The following BACH2 variants were observed in gnomAD, a reference collection of about 807,000 sequenced individuals.
The protein encoded by BACH2 is transcription regulator protein BACH2.
A neutral mutation model predicts 61.8 loss-of-function variants in BACH2; 5 were observed. The ratio of observed to expected loss-of-function variants is 0.08; its 90% CI spans 0.04 to 0.17. BACH2 has a LOEUF of 0.17. BACH2 is among the 10% of genes least tolerant of loss of function. The pLI is 1.00. For synonymous variants in BACH2, 446 were observed against 440.1 expected (o/e 1.01, Z -0.17); for missense variants, 824 against 1,091.1 (o/e 0.76, Z 3.45).
Position 89,951,570 on chromosome 6 carries a change from G to A in BACH2, c.536C>T (p.Ala179Val). The change falls in exon 7 of 9, where the codon GCT (alanine) becomes GTT (valine). Residue 179 changes from alanine (A) to valine (V), a missense_variant. By Grantham distance (64) the Ala-to-Val change is moderately conservative (BLOSUM62 0). Coordinates refer to ENST00000257749, the MANE Select transcript of BACH2 (RefSeq NM_021813.4). The surrounding 1 kb of genome is among the most constrained non-coding windows in gnomAD (Gnocchi z 6.4). ...ETMDSETAKM[A>V]CPRDQMLPEP... is the part of the protein sequence containing the mutation. ...TGGAAGCATCTGGTCCCTGGGGCAAGCCATCTTGGCCGTCTCTGAATCCAT... is the reference window on the plus strand; with the variant it reads ...TGGAAGCATCTGGTCCCTGGGGCAAACCATCTTGGCCGTCTCTGAATCCAT... The A allele has an allele frequency of 1.9e-6, 3 of 1,614,164 alleles. No individual in the cohort carries two copies. Among genetic ancestry groups the A allele is most frequent in the African/African-American group, 1.3e-5 (1 of 75,070 alleles).
chr6:89,958,755 G>A (rs1227364832), intron 6 of BACH2, among the ~76,000 whole-genome samples: 3 of 152,074 alleles, frequency 2.0e-5, no homozygotes, highest in Non-Finnish European at 1.5e-5. Context: ...CAAGTGTTGA[G>A]GGCTGAGTTG....
chr6:90,261,768 C>T (rs555305135), intron 2 of BACH2, among the ~76,000 whole-genome samples: 14 of 152,242 alleles, frequency 9.2e-5, no homozygotes, highest in Admixed American at 2.6e-4. Flanking sequence ...CTTGATCTCA[C>T]GATCTAATTG....
intron 5 of BACH2, among the ~76,000 whole-genome samples, chr6:90,052,879 A>C (rs1200866207): frequency 6.6e-6 from 1 of 152,236 alleles, no homozygotes; most frequent in Non-Finnish European, 1.5e-5. Context: ...TCTATTTTTT[A>C]GCCAGAAAGT....
intron 4 of BACH2, among the ~76,000 whole-genome samples, chr6:90,185,720 A>T (rs1348041518): frequency 1.3e-5 from 2 of 152,206 alleles, no homozygotes; most frequent in Non-Finnish European, 2.9e-5. Flanking sequence ...ATAAAATAGA[A>T]CCAACCACGT....
intron 5 of BACH2, among the ~76,000 whole-genome samples, chr6:90,057,828 A>G (rs1780452122): frequency 6.6e-6 from 1 of 152,220 alleles, no homozygotes; most frequent in African/African-American, 2.4e-5. Context: ...ACATACACAA[A>G]TCAGTAAACG....
chr6:90,152,619 G>C (rs375431581), intron 4 of BACH2, among the ~76,000 whole-genome samples: 2 of 152,106 alleles, frequency 1.3e-5, no homozygotes, highest in African/African-American at 4.8e-5. Context: ...TGAAAGTCTT[G>C]AATGTAGCAT....
At chr6:90,174,104 A>C (rs1767911531) in intron 4 of BACH2, among the ~76,000 whole-genome samples, 1 of 152,120 alleles carries the variant, frequency 6.6e-6, no homozygotes, top group African/African-American at 2.4e-5. Context: ...ATATAAACCC[A>C]AAAATAAAAG....
intron 4 of BACH2, among the ~76,000 whole-genome samples, chr6:90,112,773 C>A (rs182201603): frequency 6.6e-6 from 1 of 152,126 alleles, no homozygotes; most frequent in Non-Finnish European, 1.5e-5. Flanking sequence ...TGAATGTAAA[C>A]GAGCTAAATG....
At chr6:90,278,961 C>G (rs911852205) in intron 1 of BACH2, among the ~76,000 whole-genome samples, 2 of 152,158 alleles carry the variant, frequency 1.3e-5, no homozygotes, top group Non-Finnish European at 2.9e-5. Flanking sequence ...ATATGTAAAA[C>G]ATTATCATTT....
chr6:90,071,557 C>A (rs567451646), intron 5 of BACH2, among the ~76,000 whole-genome samples: 5 of 152,204 alleles, frequency 3.3e-5, no homozygotes, highest in South Asian at 2.1e-4. Context: ...GGCAGTACAG[C>A]CTTTTCTTCC....
intron 4 of BACH2, among the ~76,000 whole-genome samples, chr6:90,155,993 T>C (rs559697341): frequency 3.0e-4 from 46 of 152,352 alleles, no homozygotes; most frequent in African/African-American, 1.1e-3. Flanking sequence ...AGAGATTTTT[T>C]TTCCCCAATG....
intron 5 of BACH2, among the ~76,000 whole-genome samples, chr6:90,031,873 A>C (rs1779001915): frequency 1.3e-5 from 2 of 151,998 alleles, no homozygotes; most frequent in Non-Finnish European, 2.9e-5. Context: ...TCATACGGAA[A>C]CAAAAAAAGA....
intron 6 of BACH2, among the ~76,000 whole-genome samples, chr6:90,007,161 G>C (rs893828912): frequency 6.6e-6 from 1 of 151,848 alleles, no homozygotes; most frequent in African/African-American, 2.4e-5. Flanking sequence ...TGCAACCTCC[G>C]CCTCCCAGGT....
At chr6:90,000,681 T>G (rs1777090097) in intron 6 of BACH2, among the ~76,000 whole-genome samples, 1 of 152,206 alleles carries the variant, frequency 6.6e-6, no homozygotes, top group Non-Finnish European at 1.5e-5. Context: ...TGAACTAATT[T>G]TCTCAAAATC....
intron 6 of BACH2, among the ~76,000 whole-genome samples, chr6:89,963,755 C>T (rs760531944): frequency 1.3e-5 from 2 of 152,312 alleles, no homozygotes; most frequent in Non-Finnish European, 2.9e-5. Context: ...GGTGTTTGTA[C>T]ACTCATGTTC....
chr6:90,003,482 A>G (rs1777242261), intron 6 of BACH2, among the ~76,000 whole-genome samples: 1 of 152,188 alleles, frequency 6.6e-6, no homozygotes, highest in South Asian at 2.1e-4. Context: ...GCATCTAACA[A>G]AGTATATTTA....
intron 1 of BACH2, among the ~76,000 whole-genome samples, chr6:90,284,514 T>A (rs1771959095): frequency 6.6e-6 from 1 of 152,240 alleles, no homozygotes; most frequent in Admixed American, 6.5e-5. Context: ...TCTGCACCAG[T>A]ATTTTCCTTT....
intron 6 of BACH2, among the ~76,000 whole-genome samples, chr6:89,995,583 T>C (rs1020429335): frequency 1.1e-4 from 16 of 152,160 alleles, no homozygotes; most frequent in African/African-American, 3.6e-4. Context: ...GTGTGTGTGA[T>C]GTTACTTTGT....
In BACH2 at chr6:89,938,310, G is replaced by A; in HGVS notation, c.1877C>T (p.Pro626Leu). Residue 626 changes from proline to leucine, a missense_variant, in exon 8 of 9, where the codon CCA (proline) becomes CTA (leucine). Physicochemically the swap from Pro to Leu is moderately conservative, Grantham distance 98. Coordinates refer to ENST00000257749, the MANE Select transcript of BACH2 (RefSeq NM_021813.4). The part of the protein sequence containing the change: ...PFPVDQITDL[P>L]RNDFQMMIKM... ...AATCATCATCTGGAAATCGTTCCTT[G>A]GAAGATCTGTGATTTGATCTACAGG... is the stretch of plus-strand genomic sequence containing the variant. The A allele has an allele frequency of 6.2e-7, 1 of 1,614,180 alleles. No homozygotes were observed. Among genetic ancestry groups the A allele is most frequent in the Non-Finnish European group, 8.5e-7 (1 of 1,179,996 alleles).
Sources: gnomAD v4.1 joint callset for allele counts (sites outside exome capture counted in the v4.1 genomes callset) on GRCh38, gnomAD v4.1.1 for gene constraint, Gnocchi (gnomAD v3.1) non-coding constraint, MANE v1.5 for transcripts, NCBI Gene and HGNC (gene_info 2026-07-23, HGNC 2026-07-21) for gene names.